The following COL21A1 variants were observed in gnomAD, a reference collection of about 807,000 sequenced individuals.
COL21A1 encodes the protein collagen type XXI alpha 1 chain.
COL21A1 carries 149 observed loss-of-function variants against 137.9 expected under a neutral mutation model. The observed-to-expected ratio is 1.08, with a 90% CI of 0.95 to 1.24. The LOEUF (loss-of-function observed/expected upper bound fraction) is 1.24. Ranked by LOEUF, COL21A1 falls within the 50% of genes most tolerant of loss-of-function variation. The pLI is 0.00. For missense variants in COL21A1, 1,167 were observed against 1,158.4 expected, an observed-to-expected ratio of 1.01 and a Z score of -0.11; for synonymous variants, 456 against 391.5, an observed-to-expected ratio of 1.16 and a Z score of -1.95.
intron 1 of COL21A1, among the ~76,000 whole-genome samples, chr6:56,389,997 G>T (rs558224033): frequency 6.6e-6 from 1 of 152,194 alleles, no homozygotes; most frequent in African/African-American, 2.4e-5. Flanking sequence ...GGTATAAAAC[G>T]CACTGGTAAT....
chr6:56,376,463 G>A (rs908721268), intron 1 of COL21A1, among the ~76,000 whole-genome samples: 8 of 150,326 alleles, frequency 5.3e-5, no homozygotes, highest in African/African-American at 2.0e-4. Flanking sequence ...TTTTTTTAAT[G>A]AAATGTGAGA....
intron 17 of COL21A1, among the ~76,000 whole-genome samples, chr6:56,099,472 G>T (rs1343853898): frequency 6.6e-6 from 1 of 150,640 alleles, no homozygotes; most frequent in East Asian, 2.0e-4. Context: ...TCCTGGCCTC[G>T]TGATCCAGCC....
intron 1 of COL21A1, among the ~76,000 whole-genome samples, chr6:56,243,524 G>A (rs1782470345): frequency 6.6e-6 from 1 of 152,138 alleles, no homozygotes; most frequent in South Asian, 2.1e-4. Flanking sequence ...ACTTTCAGAG[G>A]TGAAAACAGA....
chr6:56,132,372 C>T (rs557044680), intron 12 of COL21A1, among the ~76,000 whole-genome samples: 3 of 152,062 alleles, frequency 2.0e-5, no homozygotes, highest in African/African-American at 7.2e-5. Flanking sequence ...TGAGCTTTAT[C>T]TGGAAAAATA....
At chr6:56,098,990 C>T (rs1340959546) in intron 17 of COL21A1, among the ~76,000 whole-genome samples, 1 of 150,900 alleles carries the variant, frequency 6.6e-6, no homozygotes, top group East Asian at 2.0e-4. Context: ...GCTGGGATTA[C>T]AGGCGTGAGC....
At chr6:56,301,142 CTGCGAATATGT>C in intron 1 of COL21A1, among the ~76,000 whole-genome samples, 1 of 152,100 alleles carries the variant, frequency 6.6e-6, no homozygotes, top group Non-Finnish European at 1.5e-5. Context: ...TCTCTGGAAC[CTGCGAATATGT>C]TGCCTTACAT....
At chr6:56,372,413 T>A (rs1321673407) in intron 1 of COL21A1, among the ~76,000 whole-genome samples, 1 of 152,282 alleles carries the variant, frequency 6.6e-6, no homozygotes, top group East Asian at 1.9e-4. Context: ...GTGGTTCTCT[T>A]CCTCCTCACT....
Position 56,141,856 on chromosome 6 carries a change from T to A in COL21A1, c.1489-18A>T. 1 of 1,612,768 alleles carries A rather than the reference T, an allele frequency of 6.2e-7. No homozygotes were observed. The highest frequency in any genetic ancestry group is 8.5e-7 in the Non-Finnish European group (1 of 1,179,172). On this transcript the variant is annotated intron_variant, in intron 11 of 29. Transcript: ENST00000244728. ...CGAGCTCCCTAAATTAACCAGAAAA[T>A]AAAATTTTGTTAATTATCGGTTTTA...
chr6:56,333,388 C>G (rs1765273638), intron 1 of COL21A1, among the ~76,000 whole-genome samples: 1 of 144,282 alleles, frequency 6.9e-6, no homozygotes, highest in Non-Finnish European at 1.5e-5. Flanking sequence ...TAAACTCATA[C>G]AGCATGTACC....
intron 1 of COL21A1, among the ~76,000 whole-genome samples, chr6:56,335,482 C>T (rs1247388023): frequency 1.3e-5 from 2 of 152,182 alleles, no homozygotes; most frequent in Non-Finnish European, 2.9e-5. Flanking sequence ...GACAGCTTCT[C>T]TAATCTTTGT....
At chr6:56,350,925 A>C (rs1179269125) in intron 1 of COL21A1, among the ~76,000 whole-genome samples, 1 of 152,250 alleles carries the variant, frequency 6.6e-6, no homozygotes, top group African/African-American at 2.4e-5. Flanking sequence ...ATGTAACATT[A>C]GCTTATTGCT....
chr6:56,184,015 T>C (rs1180627625), intron 1 of COL21A1, among the ~76,000 whole-genome samples: 2 of 151,944 alleles, frequency 1.3e-5, no homozygotes, highest in Non-Finnish European at 2.9e-5. Flanking sequence ...CATAAAAACA[T>C]GATAAAAGGA....
chr6:56,170,972 G>A lies in COL21A1; in HGVS notation c.797C>T (p.Ser266Leu), dbSNP rs1776997189. ...ATATAATGCATACCTTGTGAGTTCT[G>A]ATAAATCAACTTTTGATGTTACTTC... ...GYEVTSKVDL[S>L]ELTSNVFPEG... is the part of the protein sequence containing the mutation. Residue 266 changes from serine to leucine, a missense_variant, in exon 4 of 30, where the codon TCA becomes TTA. Physicochemically the swap from Ser to Leu is moderately radical, Grantham distance 145. Coordinates refer to ENST00000244728, the MANE Select transcript of COL21A1 (RefSeq NM_030820.4). 1.1e-5 allele frequency: 18 copies of A among 1,602,544 alleles called. No individual in the cohort carries two copies. The highest frequency in any genetic ancestry group is 1.4e-5 in the Non-Finnish European group (17 of 1,175,356).
chr6:56,154,416 C>G (rs1272567964), intron 10 of COL21A1, among the ~76,000 whole-genome samples: 1 of 152,190 alleles, frequency 6.6e-6, no homozygotes, highest in African/African-American at 2.4e-5. Context: ...TTGCCCAGTA[C>G]AGTAAATGGC....
chr6:56,250,648 G>A (rs1782834253), upstream of COL21A1, among the ~76,000 whole-genome samples: 1 of 152,102 alleles, frequency 6.6e-6, no homozygotes, highest in Non-Finnish European at 1.5e-5. Context: ...AGACAATCCA[G>A]CATCACCATA....
intron 16 of COL21A1, among the ~76,000 whole-genome samples, chr6:56,114,233 G>A (rs1055299208): frequency 2.6e-5 from 4 of 152,230 alleles, no homozygotes; most frequent in Non-Finnish European, 5.9e-5. Context: ...AGCAGCCAGA[G>A]AGTGGTCAGA....
chr6:56,129,685 T>TGC (rs1341917281), intron 12 of COL21A1, among the ~76,000 whole-genome samples: 3 of 112,056 alleles, frequency 2.7e-5, no homozygotes, highest in African/African-American at 1.1e-4. Flanking sequence ...CGTGTGTGTG[T>TGC]GTGTGTGTGT....
chr6:56,264,460 A>G (rs1170234283), intron 1 of COL21A1, among the ~76,000 whole-genome samples: 1 of 152,116 alleles, frequency 6.6e-6, no homozygotes, highest in Non-Finnish European at 1.5e-5. Flanking sequence ...CTACCCAACA[A>G]TTAAATGTCA....
intron 1 of COL21A1, among the ~76,000 whole-genome samples, chr6:56,356,336 G>A (rs1334348730): frequency 3.9e-5 from 6 of 152,058 alleles, no homozygotes; most frequent in South Asian, 4.1e-4. Flanking sequence ...GGTTGGGGGC[G>A]GGGACAGAGA....
Sources: allele counts gnomAD v4.1 joint callset (sites outside exome capture counted in the v4.1 genomes callset), GRCh38; gene constraint gnomAD v4.1.1; transcripts MANE v1.5; gene names NCBI Gene and HGNC (gene_info 2026-07-23, HGNC 2026-07-21).